SGIP1: variants seen among roughly 807,000 people sequenced by gnomAD.
SGIP1 encodes SH3GL interacting endocytic adaptor 1, also known as SH3-containing GRB2-like protein 3-interacting protein 1.
SGIP1 carries 38 observed loss-of-function variants against 107.5 expected under a neutral mutation model. That is an observed-to-expected ratio of 0.35 (90% CI 0.27 to 0.46). The LOEUF (loss-of-function observed/expected upper bound fraction) is 0.46. Among genes scored for constraint, SGIP1 ranks in the 20% least tolerant of loss-of-function variants. The probability of loss-of-function intolerance (pLI) is 1.00; values close to 1 mark genes in which losing one functional copy is unlikely to be tolerated. For synonymous variants in SGIP1, 365 were observed against 366.1 expected (o/e 1.00, Z 0.03); for missense variants, 929 against 1,019.5 (o/e 0.91, Z 1.21).
intron 1 of SGIP1, among the ~76,000 whole-genome samples, chr1:66,593,647 C>T (rs1178124554): frequency 6.6e-6 from 1 of 152,156 alleles, no homozygotes; most frequent in Non-Finnish European, 1.5e-5. Context: ...GGGCTCATGC[C>T]TGTAATTCCA....
intron 20 of SGIP1, among the ~76,000 whole-genome samples, chr1:66,732,480 C>T (rs1054547824): frequency 3.3e-5 from 5 of 152,206 alleles, no homozygotes; most frequent in African/African-American, 1.2e-4. Flanking sequence ...CCCCTTCCTC[C>T]ATTTCCAGGG....
rs964359976 is a variant in SGIP1, at chr1:66,748,442, C to T, written c.*5347C>T. The stretch of plus-strand genomic sequence containing the variant: ...AGTCTGTTGAGTTGACCATGGTGAA[C>T]CTCTTGATTGGCCCTCACATTTAAT... On this transcript the variant is annotated 3_prime_UTR_variant, in exon 25 of 25. Coordinates refer to ENST00000371037, the MANE Select transcript of SGIP1 (RefSeq NM_032291.4). The T allele has an allele frequency of 1.3e-5, 2 of 151,894 alleles. No homozygotes were observed. Among genetic ancestry groups the T allele is most frequent in the Admixed American group, 6.6e-5 (1 of 15,254 alleles). The allele number at this position is 151,894 out of a possible 1,614,324, so 9.4% of individuals were successfully genotyped here.
intron 1 of SGIP1, among the ~76,000 whole-genome samples, chr1:66,587,152 T>C (rs969478942): frequency 6.6e-6 from 1 of 152,132 alleles, no homozygotes; most frequent in Non-Finnish European, 1.5e-5. Flanking sequence ...AGAATTTCAA[T>C]CACAGCATAT....
At chr1:66,666,110 A>G (rs2082479686) in intron 8 of SGIP1, 1 of 152,232 alleles carries the variant, frequency 6.6e-6, no homozygotes, top group African/African-American at 2.4e-5. Flanking sequence ...TTTAGGTCTA[A>G]CATGTAAGTC....
intron 18 of SGIP1, among the ~76,000 whole-genome samples, chr1:66,705,791 G>A (rs888787685): frequency 2.6e-5 from 4 of 152,056 alleles, no homozygotes; most frequent in Non-Finnish European, 4.4e-5. Flanking sequence ...ACACTTATGG[G>A]TTCTCACTCA....
intron 7 of SGIP1, among the ~76,000 whole-genome samples, chr1:66,654,243 C>T (rs936657934): frequency 6.6e-6 from 1 of 152,052 alleles, no homozygotes; most frequent in Non-Finnish European, 1.5e-5. Flanking sequence ...TCAACTTAAC[C>T]AAGTTTCTTT....
At chr1:66,659,723 A>G (rs1227992447) in intron 7 of SGIP1, among the ~76,000 whole-genome samples, 2 of 151,606 alleles carry the variant, frequency 1.3e-5, no homozygotes, top group African/African-American at 4.9e-5. Context: ...TAGCCTGGGC[A>G]ATATAGCAAG....
intron 15 of SGIP1, among the ~76,000 whole-genome samples, chr1:66,683,058 G>A (rs1461387941): frequency 6.6e-6 from 1 of 152,134 alleles, no homozygotes; most frequent in Non-Finnish European, 1.5e-5. Flanking sequence ...TAAGTGTGGT[G>A]ACAGGTGATG....
chr1:66,577,400 C>T (rs1242871838), intron 1 of SGIP1, among the ~76,000 whole-genome samples: 1 of 152,086 alleles, frequency 6.6e-6, no homozygotes. Flanking sequence ...TTTTAATTTA[C>T]GTGTGTCTCG....
At position 66,656,849 on chromosome 1, in the gene SGIP1, T is replaced by C. The variant is rs186689331; in HGVS notation, c.460-3664T>C. Among the ~76,000 whole-genome samples the C allele has an allele frequency of 2.0e-5, 3 of 152,256 alleles. No homozygotes were observed. The East Asian group carries it at 5.8e-4, about 29-fold the overall frequency. On this transcript the variant is annotated intron_variant, in intron 7 of 24. Coordinates refer to ENST00000371037, the MANE Select transcript of SGIP1 (RefSeq NM_032291.4). Reference sequence around the variant, plus strand: ...AATAACTGAGACAAAGTGATTATTTTATAATAGAATCCCATTTATCAAAAT... The same window carrying C: ...AATAACTGAGACAAAGTGATTATTTCATAATAGAATCCCATTTATCAAAAT...
chr1:66,640,989 C>T (rs2076685038), intron 5 of SGIP1, among the ~76,000 whole-genome samples: 2 of 151,900 alleles, frequency 1.3e-5, no homozygotes, highest in African/African-American at 4.8e-5. Context: ...GAGCTGAGAT[C>T]GCACCACTGC....
At chr1:66,668,274 T>A (rs2083033135) in intron 9 of SGIP1, among the ~76,000 whole-genome samples, 1 of 152,112 alleles carries the variant, frequency 6.6e-6, no homozygotes, top group African/African-American at 2.4e-5. Context: ...CACTGCAACC[T>A]CCGCCTCTCG....
At chr1:66,741,708 G>C (rs1572488363) in intron 24 of SGIP1, among the ~76,000 whole-genome samples, 1 of 152,064 alleles carries the variant, frequency 6.6e-6, no homozygotes, top group South Asian at 2.1e-4. Context: ...GGTTAATGGA[G>C]TAAATCCTAC....
intron 7 of SGIP1, among the ~76,000 whole-genome samples, chr1:66,653,646 C>T (rs1485874190): frequency 6.6e-5 from 10 of 152,118 alleles, no homozygotes; most frequent in Non-Finnish European, 1.5e-4. Flanking sequence ...ATTTCTGTAA[C>T]AAAATCAAAA....
chr1:66,635,462 A>G (rs190718935), intron 3 of SGIP1, among the ~76,000 whole-genome samples: 5 of 152,364 alleles, frequency 3.3e-5, no homozygotes, highest in Admixed American at 6.5e-5. Flanking sequence ...ATCACCCTGA[A>G]CAGGTGTGCA....
At position 66,750,943 on chromosome 1, in the gene SGIP1, GTT is replaced by G. The variant is rs2094613748; in HGVS notation, c.*7853_*7854del. ...TTTGTAAATAATAATTTTTGTAAATGTTTTTTGTTCATAATTTTCCCAATCAC... is the reference window on the plus strand; with the variant it reads ...TTTGTAAATAATAATTTTTGTAAATGTTTTGTTCATAATTTTCCCAATCAC... On this transcript the variant is annotated 3_prime_UTR_variant, in exon 25 of 25. Coordinates refer to ENST00000371037, the MANE Select transcript of SGIP1 (RefSeq NM_032291.4). Among the ~76,000 whole-genome samples the G allele has an allele frequency of 6.6e-6, 1 of 152,094 alleles. No homozygotes were observed. The highest frequency in any genetic ancestry group is 2.4e-5 in the African/African-American group (1 of 41,422).
chr1:66,635,233 C>T (rs970627884), intron 3 of SGIP1, among the ~76,000 whole-genome samples: 8 of 152,226 alleles, frequency 5.3e-5, no homozygotes, highest in Non-Finnish European at 1.0e-4. Flanking sequence ...AGCAGGGCTG[C>T]ATGCATGAAG....
intron 1 of SGIP1, among the ~76,000 whole-genome samples, chr1:66,608,887 T>C (rs1361978807): frequency 6.6e-6 from 1 of 152,244 alleles, no homozygotes; most frequent in Non-Finnish European, 1.5e-5. Context: ...GCTGTATGTA[T>C]GATACATGCT....
At chr1:66,566,173 A>G (rs1275398059) in intron 1 of SGIP1, among the ~76,000 whole-genome samples, 2 of 151,982 alleles carry the variant, frequency 1.3e-5, no homozygotes, top group Non-Finnish European at 2.9e-5. Flanking sequence ...GAGGAACACC[A>G]GGGTGGTTTC....
Sources: gnomAD v4.1 joint callset for allele counts (sites outside exome capture counted in the v4.1 genomes callset) on GRCh38, gnomAD v4.1.1 for gene constraint, MANE v1.5 for transcripts, NCBI Gene and HGNC (gene_info 2026-07-23, HGNC 2026-07-21) for gene names.